Variants in TNRC18 observed in about 807,000 individuals in gnomAD.
TNRC18 encodes the protein trinucleotide repeat-containing gene 18 protein.
In TNRC18, 69 loss-of-function variants were observed where a neutral mutation model predicts 226.7. That is an observed-to-expected ratio of 0.30 (90% CI 0.25 to 0.37). The LOEUF is 0.37. Among genes scored for constraint, TNRC18 ranks in the 10% least tolerant of loss-of-function variants. TNRC18 has a pLI of 1.00. For missense variants in TNRC18, 4,754 were observed against 4,256.6 expected (o/e 1.12, Z -3.25); for synonymous variants, 2,449 against 1,927.6 (o/e 1.27, Z -7.09).
chr7:5,339,961 G>C (rs903110438), intron 18 of TNRC18, among the ~76,000 whole-genome samples: 1 of 151,742 alleles, frequency 6.6e-6, no homozygotes, highest in Admixed American at 6.6e-5. Context: ...CCCTCTCCTT[G>C]GGCCTCCCTA....
rs984457448 is a variant in TNRC18, at chr7:5,313,129, C to T, written c.7762G>A (p.Asp2588Asn). The change falls in exon 27 of 30, where the codon GAC (aspartate) becomes AAC (asparagine). Residue 2588 changes from aspartate (D) to asparagine (N), a missense_variant. Physicochemically the swap from Asp to Asn is conservative, Grantham distance 23. Transcript: ENST00000430969. ...CCGCAGCCCCCGTCCCCGTTCTTGT[C>T]GCCTTCCTCCTCCCCTTCTGTCTCC... The part of the protein sequence containing the change: ...GSETEGEEEG[D>N]KNGDGGCGTG... 30 of 1,501,830 alleles carry T rather than the reference C, an allele frequency of 2.0e-5. No homozygotes were observed. The highest frequency in any genetic ancestry group is 8.3e-5 in the African/African-American group (6 of 72,136). 93.0% of individuals were successfully genotyped at this position (1,501,830 alleles called of 1,614,324 possible). A position where few individuals can be genotyped will look rare whatever the true frequency, so the allele number is the denominator to read the frequency against.
chr7:5,400,749 C>G (rs1233957138), intron 2 of TNRC18, among the ~76,000 whole-genome samples: 1 of 152,104 alleles, frequency 6.6e-6, no homozygotes, highest in African/African-American at 2.4e-5. Context: ...GAAAAAAATG[C>G]AAGCTGTAGC....
chr7:5,411,423 C>A (rs1772053253), intron 2 of TNRC18, among the ~76,000 whole-genome samples: 1 of 146,240 alleles, frequency 6.8e-6, no homozygotes, highest in Non-Finnish European at 1.5e-5. Context: ...GAGGCTGAGG[C>A]AGGAGAATCA....
chr7:5,311,673 G>C (rs913008746), intron 27 of TNRC18, among the ~76,000 whole-genome samples: 1 of 151,892 alleles, frequency 6.6e-6, no homozygotes, highest in African/African-American at 2.4e-5. Context: ...AAATCAGCTG[G>C]GTAGCATGGT....
At chr7:5,395,367 C>T (rs547291457) in intron 2 of TNRC18, among the ~76,000 whole-genome samples, 3 of 152,174 alleles carry the variant, frequency 2.0e-5, no homozygotes, top group Non-Finnish European at 2.9e-5. Flanking sequence ...ATAGGGGCCA[C>T]GGGGCAGACT....
At position 5,357,141 on chromosome 7, in the gene TNRC18, T is replaced by G. The variant is rs1792515218; in HGVS notation, c.4969A>C (p.Lys1657Gln). The G allele has an allele frequency of 1.3e-6, 2 of 1,569,172 alleles. No individual in the cohort carries two copies. Among genetic ancestry groups the G allele is most frequent in the Non-Finnish European group, 1.7e-6 (2 of 1,156,274 alleles). Reference sequence around the variant, plus strand: ...TACCTGCCGCAGCCCCCGCTAGTTTTCGATTTCCCCCCAGCACTGTCCGAA... The same window carrying G: ...TACCTGCCGCAGCCCCCGCTAGTTTGCGATTTCCCCCCAGCACTGTCCGAA... Reference protein sequence around the residue: ...KFSDSAGGKSKTSGGCGRYLT... With the variant: ...KFSDSAGGKSQTSGGCGRYLT... The change falls in exon 16 of 30, where the codon AAA (lysine) becomes CAA (glutamine). Residue 1657 changes from lysine to glutamine, a missense_variant. By Grantham distance (53) the Lys-to-Gln change is moderately conservative. Transcript: ENST00000430969.
intron 9 of TNRC18, 71 bp from the exon 10 acceptor site, chr7:5,374,555 G>A: frequency 2.7e-6 from 4 of 1,459,180 alleles, no homozygotes; most frequent in East Asian, 5.4e-5. Context: ...CACCTGCCCT[G>A]TCCCCCCAAG....
In TNRC18 at chr7:5,423,773, C is replaced by T. The variant is rs1216292251; in HGVS notation, c.-576G>A. Among the ~76,000 whole-genome samples, 1 of 150,742 alleles carries T rather than the reference C, an allele frequency of 6.6e-6. No homozygotes were observed. The highest frequency in any genetic ancestry group is 1.5e-5 in the Non-Finnish European group (1 of 67,834). On this transcript the variant is annotated 5_prime_UTR_variant, in exon 1 of 30. Transcript: ENST00000430969. ...TTAAAGAATCCCAAATCTCCATATA[C>T]AGCCCGGGATTGGAAAAGGTACATT...
At chr7:5,402,920 C>T (rs1781210861) in intron 2 of TNRC18, among the ~76,000 whole-genome samples, 2 of 151,896 alleles carry the variant, frequency 1.3e-5, no homozygotes, top group Admixed American at 6.6e-5. Context: ...AGGAAGGGTG[C>T]CCAGGCCTTC....
At chr7:5,318,120 C>G (rs1384499666) in intron 24 of TNRC18, among the ~76,000 whole-genome samples, 5 of 152,154 alleles carry the variant, frequency 3.3e-5, no homozygotes, top group African/African-American at 7.2e-5. Context: ...GATCTGCCCA[C>G]CTTGGCCTCC....
chr7:5,394,317 CCA>C lies in TNRC18; in HGVS notation c.343+121_343+122del, dbSNP rs1780505140. ...GAGCGTTTGAGAAACAACAGGGAAG[CCA>C]GGTGACCTGGGACCCACCAGCCCCA... On this transcript the variant is annotated intron_variant, in intron 3 of 29. Transcript: ENST00000430969. This position sits in a 1 kb window ranked among gnomAD's most constrained non-coding sequence, Gnocchi z 4.5. 6.7e-6 allele frequency: 6 copies of C among 901,956 alleles called. No homozygotes were observed. In the South Asian group the frequency reaches 1.2e-4, roughly 18 times the overall value. 55.9% of individuals were successfully genotyped at this position (901,956 alleles called of 1,614,324 possible). A position where few individuals can be genotyped will look rare whatever the true frequency, so the allele number is the denominator to read the frequency against.
At chr7:5,331,611 C>A (rs1789529114) in intron 19 of TNRC18, among the ~76,000 whole-genome samples, 10 of 152,188 alleles carry the variant, frequency 6.6e-5, no homozygotes, top group Admixed American at 5.9e-4. Flanking sequence ...CTTAAAACAT[C>A]CTTTACACTG....
intron 2 of TNRC18, chr7:5,407,388 G>A (rs1157852472): frequency 6.6e-6 from 1 of 152,202 alleles, no homozygotes; most frequent in Non-Finnish European, 1.5e-5. Context: ...GGAGGAGGGA[G>A]GCCCACCCCA....
intron 18 of TNRC18, among the ~76,000 whole-genome samples, chr7:5,343,247 G>A (rs1283730942): frequency 7.7e-6 from 1 of 129,718 alleles, no homozygotes; most frequent in African/African-American, 2.5e-5. Context: ...CCAGCTACTC[G>A]GGAGGCTGAG....
At chr7:5,330,008 C>CAGA (rs1390712369) in intron 19 of TNRC18, 1 of 470,908 alleles carries the variant, frequency 2.1e-6, no homozygotes, top group African/African-American at 2.0e-5. Context: ...AATGGAGGCT[C>CAGA]AGACACCCAA....
rs1262468849 is a variant in TNRC18 at position 5,309,701 on chromosome 7, C to G, written c.8389-333G>C. The stretch of plus-strand genomic sequence containing the variant: ...CACTGCAGCCACGAACTCCTAGACT[C>G]AAGAAATCCTCTCCCACCTCAGCCT... On this transcript the variant is annotated intron_variant, in intron 27 of 29. Coordinates refer to ENST00000430969, the MANE Select transcript of TNRC18 (RefSeq NM_001080495.3). This position sits in a 1 kb window ranked among gnomAD's most constrained non-coding sequence, Gnocchi z 5.7. Among the ~76,000 whole-genome samples, 3 of 152,196 alleles carry G rather than the reference C, an allele frequency of 2.0e-5. No individual in the cohort carries two copies. Among genetic ancestry groups the G allele is most frequent in the Non-Finnish European group, 4.4e-5 (3 of 68,034 alleles).
intron 21 of TNRC18, among the ~76,000 whole-genome samples, chr7:5,323,375 C>T (rs1233848839): frequency 6.7e-6 from 1 of 149,258 alleles, no homozygotes; most frequent in Non-Finnish European, 1.5e-5. Context: ...CTTCCCCTCT[C>T]CTCTGCCTGC....
chr7:5,408,298 C>CAAA (rs55756995), intron 2 of TNRC18, among the ~76,000 whole-genome samples: 14 of 72,482 alleles, frequency 1.9e-4, no homozygotes, highest in African/African-American at 5.5e-4. Flanking sequence ...ACTTCCGTCT[C>CAAA]AAAAAAAAAA....
chr7:5,310,934 G>A (rs960247722), intron 27 of TNRC18, among the ~76,000 whole-genome samples: 12 of 131,220 alleles, frequency 9.1e-5, no homozygotes, highest in African/African-American at 2.8e-4. Context: ...GCACGTGTTC[G>A]TGTGTGCACG....
Sources: gnomAD v4.1 joint callset for allele counts (sites outside exome capture counted in the v4.1 genomes callset) on GRCh38, gnomAD v4.1.1 for gene constraint, Gnocchi (gnomAD v3.1) non-coding constraint, MANE v1.5 for transcripts, NCBI Gene and HGNC (gene_info 2026-07-23, HGNC 2026-07-21) for gene names.